Variants in CCDC192 observed in about 807,000 individuals in gnomAD.
CCDC192 encodes coiled-coil domain-containing protein 192.
At chr5:127,756,100 T>C (rs1274290013) in intron 3 of CCDC192, among the ~76,000 whole-genome samples, 1 of 151,244 alleles carries the variant, frequency 6.6e-6, no homozygotes, top group East Asian at 2.0e-4. Flanking sequence ...GCCACTGCAC[T>C]CCAGCCTGGG....
At chr5:127,852,958 C>T (rs938678929) in intron 5 of CCDC192, among the ~76,000 whole-genome samples, 5 of 152,014 alleles carry the variant, frequency 3.3e-5, no homozygotes, top group African/African-American at 4.8e-5. Flanking sequence ...GGTGTGGTGG[C>T]GGGTGCCTGT....
chr5:127,788,103 A>AG lies in CCDC192; in HGVS notation c.223-8993dup, dbSNP rs1554075164. On this transcript the variant is annotated intron_variant, in intron 3 of 6. Coordinates refer to ENST00000514853, the MANE Select transcript of CCDC192 (RefSeq NM_001317938.2). ...CCTCAGAAAAAAAAAAAAAAAAAAA[A>AG]GGGGGGGACTATTGAAGTCTCCAAC... Among the ~76,000 whole-genome samples the AG allele has an allele frequency of 1.5e-3, 221 of 148,910 alleles. 1 individual carries two copies. Among genetic ancestry groups the AG allele is most frequent in the African/African-American group, 3.8e-3 (152 of 40,504 alleles).
chr5:127,798,975 C>G (rs1354028308), intron 5 of CCDC192, among the ~76,000 whole-genome samples: 19 of 152,180 alleles, frequency 1.2e-4, no homozygotes. Flanking sequence ...CACCCTGCCA[C>G]TATTCCTTCC....
intron 2 of CCDC192, among the ~76,000 whole-genome samples, chr5:127,721,563 T>C (rs1465182762): frequency 6.6e-6 from 1 of 152,158 alleles, no homozygotes; most frequent in Non-Finnish European, 1.5e-5. Flanking sequence ...CAAACTCTTC[T>C]AACCTATGCC....
intron 2 of CCDC192, among the ~76,000 whole-genome samples, chr5:127,744,467 G>A (rs962192391): frequency 1.3e-5 from 2 of 152,134 alleles, no homozygotes; most frequent in Non-Finnish European, 2.9e-5. Context: ...CTGAGCAGGG[G>A]CTGCTGCTGG....
intron 3 of CCDC192, among the ~76,000 whole-genome samples, chr5:127,795,289 C>CAA (rs762627670): frequency 1.3e-3 from 101 of 76,182 alleles, no homozygotes; most frequent in African/African-American, 2.2e-3. Context: ...GACTCTATCT[C>CAA]AAAAAAAAAA....
chr5:127,917,075 G>A (rs7713224), intron 6 of CCDC192, among the ~76,000 whole-genome samples: 9,897 of 152,178 alleles, frequency 0.065, 1,041 homozygotes, highest in African/African-American at 0.22. Flanking sequence ...CTCCTCCATC[G>A]GCACTTTCTG....
At chr5:127,769,802 A>G (rs1470720610) in intron 3 of CCDC192, among the ~76,000 whole-genome samples, 1 of 152,228 alleles carries the variant, frequency 6.6e-6, no homozygotes, top group Non-Finnish European at 1.5e-5. Context: ...GACAAGTTCC[A>G]TTTCAATAAC....
At chr5:127,923,411 T>A (rs1753780135) in intron 6 of CCDC192, among the ~76,000 whole-genome samples, 2 of 150,776 alleles carry the variant, frequency 1.3e-5, no homozygotes, top group South Asian at 4.2e-4. Flanking sequence ...AGAGTCTCAC[T>A]CTGCCTCCCA....
At chr5:127,795,598 T>A (rs961205451) in intron 3 of CCDC192, among the ~76,000 whole-genome samples, 24 of 151,938 alleles carry the variant, frequency 1.6e-4, no homozygotes, top group African/African-American at 5.6e-4. Flanking sequence ...TTTTTTTTTT[T>A]AAGACAGAGT....
At chr5:127,850,860 G>A (rs769387871) in intron 5 of CCDC192, among the ~76,000 whole-genome samples, 3 of 152,196 alleles carry the variant, frequency 2.0e-5, no homozygotes, top group East Asian at 1.9e-4. Flanking sequence ...CAGCCACTCC[G>A]GAGGCTGAGG....
chr5:127,834,690 A>G (rs1039495728), intron 5 of CCDC192, among the ~76,000 whole-genome samples: 17 of 152,192 alleles, frequency 1.1e-4, no homozygotes, highest in Admixed American at 1.1e-3. Flanking sequence ...GCAAACACTA[A>G]TCTCCCGGGC....
chr5:127,749,508 G>A (rs541021597), intron 2 of CCDC192, among the ~76,000 whole-genome samples: 6 of 151,902 alleles, frequency 3.9e-5, no homozygotes, highest in South Asian at 2.1e-4. Context: ...TGCTGGATTC[G>A]TTTTGCCAGT....
intron 6 of CCDC192, among the ~76,000 whole-genome samples, chr5:127,929,564 A>C (rs142750208): frequency 6.6e-6 from 1 of 152,356 alleles, no homozygotes; most frequent in East Asian, 1.9e-4. Flanking sequence ...AAATCAAAAT[A>C]ACTTGTACCT....
At chr5:127,761,140 G>T (rs1282052659) in intron 3 of CCDC192, among the ~76,000 whole-genome samples, 1 of 152,182 alleles carries the variant, frequency 6.6e-6, no homozygotes, top group Non-Finnish European at 1.5e-5. Flanking sequence ...TTTGCACGCT[G>T]TTCAAAGTCA....
At chr5:127,714,756 A>G (rs1406151634) in intron 2 of CCDC192, among the ~76,000 whole-genome samples, 3 of 152,112 alleles carry the variant, frequency 2.0e-5, no homozygotes, top group African/African-American at 7.2e-5. Flanking sequence ...ACAATATATA[A>G]GGATCTCCCA....
intron 6 of CCDC192, among the ~76,000 whole-genome samples, chr5:127,926,595 C>T (rs544224728): frequency 3.9e-5 from 6 of 152,046 alleles, no homozygotes; most frequent in Middle Eastern, 3.4e-3. Context: ...TGTGAAAAGA[C>T]GGATGAAAGA....
rs77517929 is a variant in CCDC192, at chr5:127,816,248, A to T, written c.411+18086A>T. On this transcript the variant is annotated intron_variant, in intron 5 of 6. Transcript: ENST00000514853. ...AAACATTACAAAGGGTTCAAATTGC[A>T]TCAGTAAAGCTTTTTAGAGGGAATT... Among the ~76,000 whole-genome samples, 306 of 152,326 alleles carry T rather than the reference A, an allele frequency of 2.0e-3. 9 individuals carry two copies. The East Asian group carries it at 0.05, about 25-fold the overall frequency.
chr5:127,786,897 A>G, intron 3 of CCDC192: 1 of 434,364 alleles, frequency 2.3e-6, no homozygotes, highest in East Asian at 4.6e-5. Context: ...CTAGTTATGA[A>G]CATGAGTGTG....
Sources: gnomAD v4.1 joint callset for allele counts (sites outside exome capture counted in the v4.1 genomes callset) on GRCh38, gnomAD v4.1.1 for gene constraint, MANE v1.5 for transcripts, NCBI Gene and HGNC (gene_info 2026-07-23, HGNC 2026-07-21) for gene names.